Variants in BBS9 observed in about 807,000 individuals in gnomAD.
BBS9 encodes the protein Bardet-Biedl syndrome 9, also known as protein PTHB1.
Under a neutral mutation model 117.7 loss-of-function variants are expected in BBS9, and 89 were observed. That is an observed-to-expected ratio of 0.76 (90% CI 0.64 to 0.90). BBS9 has a LOEUF of 0.90. BBS9 is among the 40% of genes least tolerant of loss of function. The probability of loss-of-function intolerance (pLI) is 0.00; values close to 1 mark genes in which losing one functional copy is unlikely to be tolerated. For missense variants in BBS9, 982 were observed against 1,042.2 expected, an observed-to-expected ratio of 0.94 and a Z score of 0.80; for synonymous variants, 379 against 370.9, an observed-to-expected ratio of 1.02 and a Z score of -0.25.
chr7:33,525,983 T>G (rs376264382), intron 20 of BBS9, among the ~76,000 whole-genome samples: 3,434 of 149,966 alleles, frequency 0.023, 46 homozygotes, highest in African/African-American at 0.042. Flanking sequence ...GTCTGTAAAG[T>G]ATTTTATTTC....
chr7:33,362,334 AT>A (rs1820776139), intron 16 of BBS9, among the ~76,000 whole-genome samples: 1 of 152,120 alleles, frequency 6.6e-6, no homozygotes, highest in Admixed American at 6.5e-5. Flanking sequence ...TCTAAGAGAT[AT>A]TTCCTAATCC....
chr7:33,423,356 A>C (rs1400762995), intron 19 of BBS9, among the ~76,000 whole-genome samples: 1 of 152,020 alleles, frequency 6.6e-6, no homozygotes, highest in Non-Finnish European at 1.5e-5. Context: ...GCACAAAATC[A>C]AAAAGATAGA....
chr7:33,259,472 A>G (rs1797611066), intron 6 of BBS9, among the ~76,000 whole-genome samples: 2 of 152,134 alleles, frequency 1.3e-5, no homozygotes, highest in Admixed American at 1.3e-4. Flanking sequence ...CTCCAGATCA[A>G]TCTAATTCAG....
At chr7:33,550,285 T>A (rs934788388) in intron 21 of BBS9, among the ~76,000 whole-genome samples, 2 of 152,230 alleles carry the variant, frequency 1.3e-5, no homozygotes, top group Non-Finnish European at 2.9e-5. Flanking sequence ...TTTATTTTTT[T>A]TGTATTTTCC....
chr7:33,368,589 C>CAA (rs773265981), intron 17 of BBS9, among the ~76,000 whole-genome samples: 2 of 78,258 alleles, frequency 2.6e-5, no homozygotes, highest in East Asian at 4.5e-4. Context: ...CACACACACA[C>CAA]ACACACACAC....
chr7:33,601,351 C>A (rs1454310457), intron 21 of BBS9, among the ~76,000 whole-genome samples: 2 of 152,004 alleles, frequency 1.3e-5, no homozygotes, highest in Non-Finnish European at 2.9e-5. Flanking sequence ...CTTTTCTTCC[C>A]CTTCTCCTTT....
At chr7:33,620,541 G>A (rs1222884757) in intron 21 of BBS9, among the ~76,000 whole-genome samples, 2 of 151,744 alleles carry the variant, frequency 1.3e-5, no homozygotes, top group African/African-American at 2.4e-5. Context: ...AGCCAAGGAG[G>A]TGAAAGATCT....
At chr7:33,518,179 A>G (rs1234461320) in intron 20 of BBS9, among the ~76,000 whole-genome samples, 1 of 151,914 alleles carries the variant, frequency 6.6e-6, no homozygotes, top group African/African-American at 2.4e-5. Context: ...AATAATTACT[A>G]AAGCACTTTA....
At chr7:33,472,984 C>G (rs756613331) in intron 19 of BBS9, among the ~76,000 whole-genome samples, 11 of 152,148 alleles carry the variant, frequency 7.2e-5, no homozygotes, top group Non-Finnish European at 1.5e-4. Context: ...GTTCCTGGAT[C>G]CAACCTCTAC....
chr7:33,230,718 C>T (rs777080844), intron 5 of BBS9, among the ~76,000 whole-genome samples: 12 of 152,104 alleles, frequency 7.9e-5, no homozygotes, highest in Admixed American at 2.6e-4. Flanking sequence ...ATAATGGCCT[C>T]CATTTCCAAT....
chr7:33,407,745 C>T (rs1287933356), intron 19 of BBS9, among the ~76,000 whole-genome samples: 1 of 152,192 alleles, frequency 6.6e-6, no homozygotes, highest in Non-Finnish European at 1.5e-5. Flanking sequence ...TCTGCAGAAC[C>T]ACGGATTTTT....
chr7:33,251,477 G>A (rs1413793127), intron 5 of BBS9, among the ~76,000 whole-genome samples: 1 of 152,126 alleles, frequency 6.6e-6, no homozygotes, highest in East Asian at 1.9e-4. Context: ...AGAGGGGAAT[G>A]GATAACTAGG....
chr7:33,133,236 AC>A (rs1308981914), intron 1 of BBS9, among the ~76,000 whole-genome samples: 2 of 152,230 alleles, frequency 1.3e-5, no homozygotes, highest in Admixed American at 6.5e-5. Context: ...TTAAAAAAAA[AC>A]AGCTTTGTTG....
At chr7:33,172,431 C>T (rs116752596) in intron 4 of BBS9, among the ~76,000 whole-genome samples, 1,537 of 151,908 alleles carry the variant, frequency 0.01, 28 homozygotes, top group African/African-American at 0.035. Flanking sequence ...CTCTAGACCT[C>T]GTCATGTCCA....
chr7:33,202,920 C>G (rs1286180209), intron 5 of BBS9, among the ~76,000 whole-genome samples: 1 of 152,178 alleles, frequency 6.6e-6, no homozygotes, highest in African/African-American at 2.4e-5. Flanking sequence ...TACTCAGTCC[C>G]ATGCTTGGTT....
chr7:33,511,573 CT>C (rs1846972916), intron 20 of BBS9, among the ~76,000 whole-genome samples: 1 of 152,074 alleles, frequency 6.6e-6, no homozygotes, highest in African/African-American at 2.4e-5. Flanking sequence ...TTACTGTGTT[CT>C]TAAGGGTTTA....
chr7:33,162,566 C>A (rs1795025702), intron 4 of BBS9, among the ~76,000 whole-genome samples: 1 of 151,980 alleles, frequency 6.6e-6, no homozygotes, highest in African/African-American at 2.4e-5. Flanking sequence ...AAGTTGGATT[C>A]TTAGGTATTT....
At chr7:33,405,633 G>A (rs1467056479) in intron 19 of BBS9, among the ~76,000 whole-genome samples, 1 of 152,198 alleles carries the variant, frequency 6.6e-6, no homozygotes, top group African/African-American at 2.4e-5. Flanking sequence ...TATTTGCGTA[G>A]AGGTGTTTGT....
intron 1 of BBS9, among the ~76,000 whole-genome samples, chr7:33,143,987 T>A (rs1053348615): frequency 6.6e-6 from 1 of 152,038 alleles, no homozygotes; most frequent in Non-Finnish European, 1.5e-5. Context: ...TGGATATTAA[T>A]TCCTTATCAT....
Sources: allele counts gnomAD v4.1 joint callset (sites outside exome capture counted in the v4.1 genomes callset), GRCh38; gene constraint gnomAD v4.1.1; transcripts MANE v1.5; gene names NCBI Gene and HGNC (gene_info 2026-07-23, HGNC 2026-07-21).